The following KLHL13 variants were observed in gnomAD, a reference collection of about 807,000 sequenced individuals.
KLHL13 encodes the protein kelch like family member 13.
In KLHL13, 10 loss-of-function variants were observed where a neutral mutation model predicts 37.1. The ratio of observed to expected loss-of-function variants is 0.27; its 90% CI spans 0.17 to 0.46. The LOEUF is 0.46. Among genes scored for constraint, KLHL13 ranks in the 20% least tolerant of loss-of-function variants. The pLI, the probability that KLHL13 is intolerant of heterozygous loss-of-function variation, is 1.00. For missense variants in KLHL13, 360 were observed against 509.3 expected (o/e 0.71, Z 2.82); for synonymous variants, 163 against 181.2 (o/e 0.90, Z 0.81).
intron 1 of KLHL13, among the ~76,000 whole-genome samples, chrX:117,989,948 T>C (rs2053769658): frequency 9.0e-6 from 1 of 111,233 alleles, no homozygotes; most frequent in Non-Finnish European, 1.9e-5. Context: ...AGGTTGGGCC[T>C]TCCTTATGTT....
At chrX:117,949,715 C>A (rs1208134307) in intron 1 of KLHL13, among the ~76,000 whole-genome samples, 1 of 112,097 alleles carries the variant, frequency 8.9e-6, no homozygotes, top group East Asian at 2.8e-4. Flanking sequence ...ACTTCAATTT[C>A]TTGGTTTCTA....
intron 1 of KLHL13, among the ~76,000 whole-genome samples, chrX:118,045,332 C>T (rs1377931821): frequency 2.9e-5 from 3 of 102,322 alleles, no homozygotes; most frequent in Non-Finnish European, 4.0e-5. Flanking sequence ...CAAGATCGCG[C>T]CACTGCACTC....
chrX:117,916,217 ATGT>A (rs1400287784), intron 4 of KLHL13, among the ~76,000 whole-genome samples: 1 of 112,259 alleles, frequency 8.9e-6, no homozygotes, highest in Non-Finnish European at 1.9e-5. Flanking sequence ...AGTATTTAAC[ATGT>A]TGTAGTTATA....
In KLHL13 at chrX:118,090,984, TG is replaced by T. The variant is rs1229935885; in HGVS notation, c.-56+25523del. On this transcript the variant is annotated intron_variant, in intron 1 of 6. Coordinates refer to the KLHL13 transcript ENST00000371882. ...TGAGTTCATGTCCTTTGTAGGGACA[TG>T]GATGAAGCTGGAAACCATCATTCTC... is the stretch of plus-strand genomic sequence containing the variant. Among the ~76,000 whole-genome samples the T allele has an allele frequency of 8.5e-3, 910 of 107,238 alleles. 2 individuals carry two copies. Among genetic ancestry groups the T allele is most frequent in the Middle Eastern group, 0.042 (9 of 215 alleles). The allele number at this position is 107,238 out of a possible 115,157, so 93.1% of individuals were successfully genotyped here.
chrX:117,942,516 A>C (rs906519878), intron 2 of KLHL13, among the ~76,000 whole-genome samples: 2 of 111,537 alleles, frequency 1.8e-5, no homozygotes, highest in African/African-American at 3.3e-5. Flanking sequence ...GTGCTCCTGT[A>C]GTGGGTGCAT....
chrX:117,906,813 T>A (rs1930575024), intron 5 of KLHL13, among the ~76,000 whole-genome samples: 1 of 111,515 alleles, frequency 9.0e-6, no homozygotes, highest in South Asian at 3.7e-4. Context: ...AATCTATAGA[T>A]CATTTCAAAT....
chrX:117,985,288 G>C (rs909253305), intron 1 of KLHL13: 275 of 1,139,743 alleles, frequency 2.4e-4, no homozygotes, highest in Non-Finnish European at 3.0e-4. Flanking sequence ...CATTTGTCAT[G>C]TTCTTGTGGA....
intron 1 of KLHL13, among the ~76,000 whole-genome samples, chrX:117,949,472 G>A (rs773391529): frequency 2.2e-4 from 24 of 111,181 alleles, no homozygotes; most frequent in African/African-American, 2.6e-4. Context: ...TTTGGTAGAC[G>A]TTCTATAGAG....
At chrX:117,985,300 C>T in intron 1 of KLHL13, 2 of 1,139,616 alleles carry the variant, frequency 1.8e-6, no homozygotes, top group Non-Finnish European at 2.3e-6. Context: ...TCTTGTGGAT[C>T]CCTCTCTCAT....
intron 2 of KLHL13, among the ~76,000 whole-genome samples, chrX:117,930,808 GA>G (rs1389356887): frequency 9.0e-6 from 1 of 111,424 alleles, no homozygotes; most frequent in Non-Finnish European, 1.9e-5. Context: ...TGCCATTCAG[GA>G]AATGAAAAGA....
intron 4 of KLHL13, among the ~76,000 whole-genome samples, chrX:117,915,692 T>A (rs760813473): frequency 2.7e-5 from 3 of 112,326 alleles, no homozygotes; most frequent in Non-Finnish European, 3.8e-5. Flanking sequence ...TAAATTGTAA[T>A]CTTTTGAGTT....
chrX:118,045,340 C>T (rs1331699508), intron 1 of KLHL13, among the ~76,000 whole-genome samples: 1 of 97,617 alleles, frequency 1.0e-5, no homozygotes, highest in African/African-American at 3.8e-5. Context: ...CGCCACTGCA[C>T]TCCAGCCTAG....
chrX:118,038,893 C>T (rs949338689), intron 1 of KLHL13, among the ~76,000 whole-genome samples: 5 of 111,516 alleles, frequency 4.5e-5, no homozygotes, highest in Non-Finnish European at 7.5e-5. Context: ...ACAGGAGAGA[C>T]TCCTTCCTTC....
At chrX:118,008,142 C>T (rs768432331) in intron 1 of KLHL13, among the ~76,000 whole-genome samples, 3 of 111,469 alleles carry the variant, frequency 2.7e-5, no homozygotes, top group Non-Finnish European at 3.8e-5. Context: ...CAAAATAGAA[C>T]ATTACACAAC....
chrX:118,035,180 C>A (rs2054420860), intron 1 of KLHL13, among the ~76,000 whole-genome samples: 1 of 105,435 alleles, frequency 9.5e-6, no homozygotes, highest in African/African-American at 3.9e-5. Context: ...GGAACTGGTA[C>A]CATTCCTTCT....
chrX:117,919,715 C>T, exon 4 of KLHL13: 1 of 1,177,792 alleles, frequency 8.5e-7, no homozygotes, highest in Non-Finnish European at 1.1e-6. Flanking sequence ...TCTTTCATTC[C>T]ACCTTAAATA....
intron 1 of KLHL13, among the ~76,000 whole-genome samples, chrX:118,048,529 C>T (rs1166096532): frequency 9.0e-6 from 1 of 111,443 alleles, no homozygotes; most frequent in Non-Finnish European, 1.9e-5. Flanking sequence ...TACACAGCTA[C>T]ATGGTGGCTA....
intron 1 of KLHL13, among the ~76,000 whole-genome samples, chrX:117,967,032 A>G (rs929023875): frequency 8.9e-6 from 1 of 111,888 alleles, no homozygotes; most frequent in Admixed American, 9.5e-5. Context: ...ACCAAAAGCA[A>G]TGGCAACAAA....
At chrX:118,089,518 T>C (rs1304724772) in intron 1 of KLHL13, among the ~76,000 whole-genome samples, 1 of 104,892 alleles carries the variant, frequency 9.5e-6, no homozygotes, top group Non-Finnish European at 1.9e-5. Flanking sequence ...CAGTATCAGA[T>C]GAAGCCAGCT....
Sources: gnomAD v4.1 joint callset for allele counts (sites outside exome capture counted in the v4.1 genomes callset) on GRCh38, gnomAD v4.1.1 for gene constraint, MANE v1.5 for transcripts, NCBI Gene and HGNC (gene_info 2026-07-23, HGNC 2026-07-21) for gene names.